TET3: variants seen among roughly 807,000 people sequenced by gnomAD.
TET3 encodes methylcytosine dioxygenase TET3.
In TET3, 19 loss-of-function variants were observed where a neutral mutation model predicts 141.4. The ratio of observed to expected loss-of-function variants is 0.13; its 90% CI spans 0.09 to 0.20. The LOEUF is 0.20. Among genes scored for constraint, TET3 ranks in the 10% least tolerant of loss-of-function variants. The pLI is 1.00. For synonymous variants in TET3, 1,043 were observed against 980.9 expected (o/e 1.06, Z -1.18); for missense variants, 1,874 against 2,356.9 (o/e 0.80, Z 4.24).
intron 2 of TET3, among the ~76,000 whole-genome samples, chr2:73,994,915 G>T (rs979582345): frequency 6.6e-6 from 1 of 151,658 alleles, no homozygotes; most frequent in Non-Finnish European, 1.5e-5. Context: ...GGGATTACAG[G>T]CATGAGCCAC....
chr2:74,106,171 G>A lies in TET3; in HGVS notation c.*3995G>A, dbSNP rs1391373724. On this transcript the variant is annotated 3_prime_UTR_variant, in exon 12 of 12. Coordinates refer to ENST00000409262, the MANE Select transcript of TET3 (RefSeq NM_001287491.2). ...TATAATCTGCTCTGAGCAGTGTTGT[G>A]TTGTGTTGTATTGTTCTTCCCTTGG... The A allele has an allele frequency of 1.3e-5, 2 of 151,662 alleles. No individual in the cohort carries two copies. Among genetic ancestry groups the A allele is most frequent in the Admixed American group, 6.6e-5 (1 of 15,228 alleles). The allele number at this position is 151,662 out of a possible 1,614,324, so 9.4% of individuals were successfully genotyped here.
rs776533637 is a variant in TET3, at chr2:74,099,513, G to T, written c.3505G>T (p.Ala1169Ser). 5.0e-6 allele frequency: 8 copies of T among 1,613,086 alleles called. No homozygotes were observed. The Admixed American group carries it at 5.0e-5, about 10-fold the overall frequency. ...CCAGCGGCAGCTGGAAGCCAGAAAG[G>T]CAGCAGCCGAGAAGAAGAAGATTCA... is the stretch of plus-strand genomic sequence containing the variant. ...CRQRQLEARK[A>S]AAEKKKIQKE... Residue 1169 changes from alanine (A) to serine (S), a missense_variant, in exon 11 of 12, where the codon GCA (alanine) becomes TCA (serine). Physicochemically the swap from Ala to Ser is moderately conservative, Grantham distance 99. This residue lies in a region of TET3 where 602 missense variants were observed against 590.2 expected (regional missense o/e 1.02). Coordinates refer to ENST00000409262, the MANE Select transcript of TET3 (RefSeq NM_001287491.2).
intron 3 of TET3, among the ~76,000 whole-genome samples, chr2:74,036,352 AC>A (rs1203674720): frequency 1.3e-5 from 2 of 152,232 alleles, no homozygotes; most frequent in African/African-American, 4.8e-5. Flanking sequence ...TACTGATGAT[AC>A]TGAGTATTTT....
chr2:74,077,493 C>G (rs761524005), intron 5 of TET3, among the ~76,000 whole-genome samples: 2 of 152,140 alleles, frequency 1.3e-5, no homozygotes, highest in African/African-American at 4.8e-5. Context: ...AGTTGAGGGT[C>G]TGATAGTTAA....
Position 74,046,849 on chromosome 2 carries a change from G to A in TET3, c.932G>A (p.Gly311Asp). 1.9e-6 allele frequency: 3 copies of A among 1,613,402 alleles called. No individual in the cohort carries two copies. The highest frequency in any genetic ancestry group is 2.5e-6 in the Non-Finnish European group (3 of 1,179,862). ...AGGCTCCCAGGGCCTCTGCCTCCTG[G>A]TGAGGCCGGCCTCCCAGCACCAAGC... Reference protein sequence around the residue: ...RPRLPGPLPPGEAGLPAPSTR... With the variant: ...RPRLPGPLPPDEAGLPAPSTR... The change falls in exon 4 of 12, where the codon GGT becomes GAT. Residue 311 changes from glycine (G) to aspartate (D), a missense_variant. Physicochemically the swap from Gly to Asp is moderately conservative, Grantham distance 94 (BLOSUM62 -1). Transcript: ENST00000409262. The surrounding 1 kb of genome is among the most constrained non-coding windows in gnomAD (Gnocchi z 4.3).
At chr2:74,094,451 T>G (rs1161793846) in intron 10 of TET3, among the ~76,000 whole-genome samples, 3 of 152,082 alleles carry the variant, frequency 2.0e-5, no homozygotes, top group Non-Finnish European at 4.4e-5. Flanking sequence ...GGGTTTGCTC[T>G]AAGTGTGATG....
chr2:74,002,009 G>C (rs1246534268), intron 2 of TET3, among the ~76,000 whole-genome samples: 1 of 152,064 alleles, frequency 6.6e-6, no homozygotes, highest in African/African-American at 2.4e-5. Flanking sequence ...GTGTGGAGGA[G>C]GGCAGGGTTG....
the TET3 span, among the ~76,000 whole-genome samples, chr2:74,119,121 T>C: frequency 6.6e-6 from 1 of 152,150 alleles, no homozygotes; most frequent in Admixed American, 6.6e-5. Flanking sequence ...TTTGGGAGGC[T>C]GAGGCGGGAT....
the TET3 span, chr2:74,135,402 A>G: frequency 3.3e-6 from 3 of 916,272 alleles, no homozygotes; most frequent in South Asian, 3.0e-5. Context: ...ATTACTAATG[A>G]CCCTTCAAAA....
In TET3 at chr2:74,087,679, G is replaced by T; in HGVS notation, c.2680-151G>T. ...TTTGTTCCCTAATAATGGTCTCTTA[G>T]CTTGTAAGGTTGCTGTCTTCAGGGC... On this transcript the variant is annotated intron_variant, in intron 6 of 11. Transcript: ENST00000409262. The surrounding 1 kb of genome is among the most constrained non-coding windows in gnomAD (Gnocchi z 4.3). 3.4e-6 allele frequency: 2 copies of T among 596,440 alleles called. No homozygotes were observed. The highest frequency in any genetic ancestry group is 5.9e-5 in the East Asian group (2 of 33,880). 36.9% of individuals were successfully genotyped at this position (596,440 alleles called of 1,614,324 possible).
chr2:74,036,620 C>T (rs1488423840), intron 3 of TET3, among the ~76,000 whole-genome samples: 1 of 152,196 alleles, frequency 6.6e-6, no homozygotes, highest in African/African-American at 2.4e-5. Flanking sequence ...CTTGCCCTCT[C>T]TGTGTTTAGT....
At chr2:74,068,920 T>C (rs1262316111) in intron 4 of TET3, among the ~76,000 whole-genome samples, 1 of 152,242 alleles carries the variant, frequency 6.6e-6, no homozygotes, top group Non-Finnish European at 1.5e-5. Context: ...GAAATTAGCC[T>C]TTTGACTGAT....
At chr2:74,042,733 G>A (rs1204116027) in intron 3 of TET3, among the ~76,000 whole-genome samples, 1 of 152,158 alleles carries the variant, frequency 6.6e-6, no homozygotes, top group Non-Finnish European at 1.5e-5. Flanking sequence ...ACTGAGAGTT[G>A]GGAAGGACGC....
At position 74,064,324 on chromosome 2, in the gene TET3, A is replaced by T. The variant is rs532365343; in HGVS notation, c.2495-9225A>T. 1.4e-4 allele frequency among the ~76,000 whole-genome samples: 22 copies of T among 152,350 alleles called. No homozygotes were observed. The South Asian group carries it at 1.7e-3, about 11-fold the overall frequency. ...ATTAAATACTGTTTAAATTGTCTTCAAAAAGAGTACAGTGTGATTCAGTAT... is the reference window on the plus strand; with the variant it reads ...ATTAAATACTGTTTAAATTGTCTTCTAAAAGAGTACAGTGTGATTCAGTAT... On this transcript the variant is annotated intron_variant, in intron 4 of 11. Transcript: ENST00000409262.
Position 74,101,996 on chromosome 2 carries a change from G to A in TET3, c.5208G>A (p.Glu1736=), listed in dbSNP as rs753060595. The change falls in exon 12 of 12, where the codon GAG becomes GAA. Residue 1736 remains glutamate (E), a synonymous_variant. Transcript: ENST00000409262. This position sits in a 1 kb window ranked among gnomAD's most constrained non-coding sequence, Gnocchi z 8.5. ...CCCGGCTGGGCCTGGGCCAGCAGGA[G>A]GCCAAGCTCTACGGGAAGAAGCGCA... ...EAARLGLGQQ[E]AKLYGKKRKW... is the part of the protein sequence containing the mutation. The A allele has an allele frequency of 8.1e-6, 13 of 1,600,016 alleles. No individual in the cohort carries two copies. The Middle Eastern group carries it at 5.0e-4, about 61-fold the overall frequency.
At position 74,093,851 on chromosome 2, in the gene TET3, A is replaced by G. The variant is rs1327732412; in HGVS notation, c.3267+185A>G. Among the ~76,000 whole-genome samples, 1 of 151,972 alleles carries G rather than the reference A, an allele frequency of 6.6e-6. No individual in the cohort carries two copies. The highest frequency in any genetic ancestry group is 6.6e-5 in the Admixed American group (1 of 15,246). ...CTCCCAGAGAAAACCTCACCAGAAA[A>G]CCCTTGAACAGACAAGGCTGGCTTT... is the stretch of plus-strand genomic sequence containing the variant. On this transcript the variant is annotated intron_variant, in intron 10 of 11. Transcript: ENST00000409262. The surrounding 1 kb of genome is among the most constrained non-coding windows in gnomAD (Gnocchi z 4.2).
At chr2:74,012,228 G>T (rs904733181) in intron 3 of TET3, among the ~76,000 whole-genome samples, 1 of 152,168 alleles carries the variant, frequency 6.6e-6, no homozygotes, top group African/African-American at 2.4e-5. Context: ...CTCCCAAAGT[G>T]TTACAATTAC....
At chr2:74,130,827 G>T in the TET3 span, 1 of 152,260 alleles carries the variant, frequency 6.6e-6, no homozygotes, top group Admixed American at 6.5e-5. Flanking sequence ...TCTGCGCGCA[G>T]GCCACGTCGG....
the TET3 span, among the ~76,000 whole-genome samples, chr2:74,116,085 A>G: frequency 6.6e-6 from 1 of 152,096 alleles, no homozygotes; most frequent in African/African-American, 2.4e-5. Flanking sequence ...AAGAAGACAT[A>G]CAAATGGCCA....
Sources: gnomAD v4.1 joint callset for allele counts (sites outside exome capture counted in the v4.1 genomes callset) on GRCh38, gnomAD v4.1.1 for gene constraint, gnomAD v4.1.1 regional missense constraint, Gnocchi (gnomAD v3.1) non-coding constraint, MANE v1.5 for transcripts, NCBI Gene and HGNC (gene_info 2026-07-23, HGNC 2026-07-21) for gene names.